The following BDNF variants were observed in gnomAD, a reference collection of about 807,000 sequenced individuals.
BDNF encodes the protein neurotrophic factor BDNF precursor form.
In BDNF, 1 loss-of-function variant was observed where a neutral mutation model predicts 19.5. That is an observed-to-expected ratio of 0.05 (90% CI 0.02 to 0.24). The LOEUF is 0.24. Ranked by LOEUF, BDNF falls within the 10% of genes least tolerant of loss-of-function variation. The pLI is 1.00. For missense variants in BDNF, 195 were observed against 317.6 expected (o/e 0.61, Z 2.93); for synonymous variants, 100 against 121.6 (o/e 0.82, Z 1.17).
chr11:27,715,475 A>G (rs145571781), intron 1 of BDNF, among the ~76,000 whole-genome samples: 103 of 152,344 alleles, frequency 6.8e-4, no homozygotes, highest in African/African-American at 2.5e-3. Flanking sequence ...TGGTATGTCA[A>G]CTAGAGGAAG....
chr11:27,692,009 A>T (rs921441639), intron 1 of BDNF, among the ~76,000 whole-genome samples: 2 of 152,120 alleles, frequency 1.3e-5, no homozygotes, highest in Non-Finnish European at 2.9e-5. Flanking sequence ...TTTTCCAGAC[A>T]TTCTGTTCTG....
intron 1 of BDNF, among the ~76,000 whole-genome samples, chr11:27,707,116 T>C (rs1860141272): frequency 6.6e-6 from 1 of 152,258 alleles, no homozygotes; most frequent in African/African-American, 2.4e-5. Context: ...ACTACACTAC[T>C]TTTGAAGCTT....
intron 1 of BDNF, among the ~76,000 whole-genome samples, chr11:27,682,443 T>A (rs980380230): frequency 2.6e-5 from 4 of 151,724 alleles, no homozygotes; most frequent in African/African-American, 9.7e-5. Context: ...AGTTCTGGGG[T>A]ACATGTGCAG....
chr11:27,662,608 C>G (rs1341478750), intron 1 of BDNF, among the ~76,000 whole-genome samples: 1 of 152,172 alleles, frequency 6.6e-6, no homozygotes, highest in African/African-American at 2.4e-5. Context: ...GAAATGGTTC[C>G]ACCTTAGATC....
At chr11:27,719,266 C>G (rs914357352) in intron 1 of BDNF, among the ~76,000 whole-genome samples, 1 of 152,210 alleles carries the variant, frequency 6.6e-6, no homozygotes. Flanking sequence ...GGCGGCTCAG[C>G]GACTAGCCGG....
chr11:27,719,363 C>A, intron 1 of BDNF: 1 of 702,060 alleles, frequency 1.4e-6, no homozygotes, highest in Non-Finnish European at 1.8e-6. Flanking sequence ...GTCCAGCCGC[C>A]GCACGGAGCT....
intron 1 of BDNF, among the ~76,000 whole-genome samples, chr11:27,682,743 C>A (rs1479879975): frequency 2.6e-5 from 4 of 152,094 alleles, no homozygotes; most frequent in African/African-American, 9.7e-5. Context: ...TGAACTCATC[C>A]TTTTTTATGG....
chr11:27,671,236 A>C (rs1230008449), intron 1 of BDNF, among the ~76,000 whole-genome samples: 2 of 152,044 alleles, frequency 1.3e-5, no homozygotes, highest in Admixed American at 6.6e-5. Flanking sequence ...CAGCACACCA[A>C]CATGGCACAT....
chr11:27,674,331 T>G lies in BDNF; in HGVS notation c.-21-15746A>C, dbSNP rs1267337037. ...TTTGCATCCCACTCTATAATTTCTT[T>G]TAATTACTTAACTGTAAAGCACAGG... On this transcript the variant is annotated intron_variant, in intron 1 of 1. Coordinates refer to ENST00000356660, the MANE Select transcript of BDNF (RefSeq NM_001709.5). The G allele has an allele frequency of 1.9e-6, 3 of 1,544,096 alleles. No homozygotes were observed. In the African/African-American group the frequency reaches 4.1e-5, roughly 21 times the overall value.
upstream of BDNF, chr11:27,700,685 T>C (rs1268692967): frequency 8.6e-6 from 10 of 1,156,348 alleles, no homozygotes; most frequent in Admixed American, 3.8e-5. Flanking sequence ...CCTCCTCCCC[T>C]AGGGCCCCGC....
chr11:27,720,014 TAC>T (rs145503247), intron 1 of BDNF, among the ~76,000 whole-genome samples: 20 of 150,116 alleles, frequency 1.3e-4, no homozygotes, highest in Middle Eastern at 3.5e-3. Context: ...GAATCTACTG[TAC>T]ACACACACAC....
upstream of BDNF, chr11:27,700,974 C>G: frequency 7.3e-7 from 1 of 1,360,596 alleles, no homozygotes; most frequent in Non-Finnish European, 9.8e-7. Context: ...GACACACCTT[C>G]CCGCACCTTC....
intron 1 of BDNF, chr11:27,659,212 G>A (rs760288406): frequency 3.3e-4 from 331 of 995,820 alleles, no homozygotes; most frequent in Non-Finnish European, 3.9e-4. Context: ...ATTTCATTGA[G>A]CCATCCTGTT....
At chr11:27,718,357 C>CA (rs957323364) in intron 1 of BDNF, among the ~76,000 whole-genome samples, 1 of 142,974 alleles carries the variant, frequency 7.0e-6, no homozygotes, top group African/African-American at 2.5e-5. Context: ...GCACACCACC[C>CA]CCCCCCGCCC....
chr11:27,715,778 T>C (rs1248065059), intron 1 of BDNF, among the ~76,000 whole-genome samples: 1 of 152,202 alleles, frequency 6.6e-6, no homozygotes, highest in Admixed American at 6.5e-5. Flanking sequence ...TAGATAATTC[T>C]GCACCTTACT....
chr11:27,667,821 G>A (rs1350584161), intron 1 of BDNF, among the ~76,000 whole-genome samples: 1 of 152,160 alleles, frequency 6.6e-6, no homozygotes, highest in African/African-American at 2.4e-5. Flanking sequence ...AATAATGGGA[G>A]ACTTTATCAC....
At chr11:27,701,616 G>A, upstream of BDNF, 1 of 986,590 alleles carries the variant, frequency 1.0e-6, no homozygotes, top group African/African-American at 1.7e-5. Context: ...CCTCTCCGCG[G>A]TGAATGGGAA....
chr11:27,656,771 T>C lies in BDNF; in HGVS notation c.*1050A>G. 1 of 985,348 alleles carries C rather than the reference T, an allele frequency of 1.0e-6. No homozygotes were observed. Among genetic ancestry groups the C allele is most frequent in the Non-Finnish European group, 1.2e-6 (1 of 829,896 alleles). 61.0% of individuals were successfully genotyped at this position (985,348 alleles called of 1,614,324 possible). On this transcript the variant is annotated 3_prime_UTR_variant, in exon 2 of 2. Transcript: ENST00000356660. The stretch of plus-strand genomic sequence containing the variant: ...CCAAATGTTCACTCCTCATAAAAAA[T>C]AATCTTCATTTTGGGGTTATTTTTT...
chr11:27,709,362 A>T (rs1322283637), intron 1 of BDNF, among the ~76,000 whole-genome samples: 1 of 152,200 alleles, frequency 6.6e-6, no homozygotes, highest in Non-Finnish European at 1.5e-5. Flanking sequence ...GTCATAAAGT[A>T]ACTATAGGAT....
Sources: gnomAD v4.1 joint callset for allele counts (sites outside exome capture counted in the v4.1 genomes callset) on GRCh38, gnomAD v4.1.1 for gene constraint, MANE v1.5 for transcripts, NCBI Gene and HGNC (gene_info 2026-07-23, HGNC 2026-07-21) for gene names.